Variants in RASGRP3 observed in about 807,000 individuals in gnomAD.
RASGRP3 encodes the protein ras guanyl-releasing protein 3.
A neutral mutation model predicts 82.7 loss-of-function variants in RASGRP3; 54 were observed. That is an observed-to-expected ratio of 0.65 (90% CI 0.52 to 0.82). RASGRP3 has a LOEUF of 0.82. RASGRP3 is among the 40% of genes least tolerant of loss of function. The pLI, the probability that RASGRP3 is intolerant of heterozygous loss-of-function variation, is 0.00. For synonymous variants in RASGRP3, 309 were observed against 300.5 expected (o/e 1.03, Z -0.29); for missense variants, 861 against 828.9 (o/e 1.04, Z -0.48).
chr2:33,548,360 CAAA>C (rs775598057), intron 13 of RASGRP3, among the ~76,000 whole-genome samples: 57 of 78,716 alleles, frequency 7.2e-4, no homozygotes, highest in South Asian at 2.7e-3. Flanking sequence ...GACTCCGTCT[CAAA>C]AAAAAAAAAA....
intron 1 of RASGRP3, among the ~76,000 whole-genome samples, chr2:33,445,314 G>T (rs772807977): frequency 2.0e-5 from 3 of 152,224 alleles, no homozygotes; most frequent in African/African-American, 2.4e-5. Flanking sequence ...GCAATGAGTT[G>T]CAGCCAACTG....
chr2:33,462,691 T>C (rs1666447558), intron 2 of RASGRP3, among the ~76,000 whole-genome samples: 2 of 152,206 alleles, frequency 1.3e-5, no homozygotes, highest in African/African-American at 4.8e-5. Context: ...GTAGAGTTTC[T>C]AACTGCACTT....
upstream of RASGRP3, among the ~76,000 whole-genome samples, chr2:33,471,765 T>C (rs1466708500): frequency 6.6e-6 from 1 of 152,204 alleles, no homozygotes; most frequent in Admixed American, 6.5e-5. Context: ...TTTTGACTTC[T>C]TCCTGGGTCA....
At chr2:33,437,066 C>T (rs1664963980) in intron 1 of RASGRP3, among the ~76,000 whole-genome samples, 2 of 151,876 alleles carry the variant, frequency 1.3e-5, no homozygotes, top group South Asian at 2.1e-4. Flanking sequence ...TAAAATTAAG[C>T]AAAGATAACA....
At chr2:33,515,304 T>A in intron 3 of RASGRP3, 98 bp downstream of exon 3, 1 of 1,320,938 alleles carries the variant, frequency 7.6e-7, no homozygotes, top group South Asian at 1.2e-5. Context: ...GTTCAGTCTC[T>A]GTACCTTGGT....
At chr2:33,559,775 A>G (rs1337875236) in intron 17 of RASGRP3, 1 of 397,498 alleles carries the variant, frequency 2.5e-6, no homozygotes, top group Non-Finnish European at 5.1e-6. Context: ...CATAAACAGA[A>G]TATTGGGTTA....
intron 1 of RASGRP3, among the ~76,000 whole-genome samples, chr2:33,508,537 G>A (rs1670622098): frequency 1.3e-5 from 2 of 152,128 alleles, no homozygotes; most frequent in Admixed American, 1.3e-4. Flanking sequence ...ATCCATGTGG[G>A]TAAATTTCTC....
rs370214673 is a variant in RASGRP3, at chr2:33,523,999, C to G, written c.637C>G (p.Pro213Ala). The G allele has an allele frequency of 2.1e-5, 34 of 1,613,760 alleles. No individual in the cohort carries two copies. Among genetic ancestry groups the G allele is most frequent in the Non-Finnish European group, 2.6e-5 (31 of 1,179,842 alleles). The change falls in exon 8 of 18, where the codon CCA becomes GCA. Residue 213 changes from proline (P) to alanine (A), a missense_variant. Physicochemically the swap from Pro to Ala is conservative, Grantham distance 27. Transcript: ENST00000403687. ...KWVQLMVLSK[P>A]TPQQRAEVIT... ...GGTCCAGTTGATGGTTCTTAGCAAA[C>G]CAACCCCCCAGCAAAGGGCAGAAGT... is the stretch of plus-strand genomic sequence containing the variant.
At chr2:33,446,366 C>T (rs1186791802) in intron 1 of RASGRP3, among the ~76,000 whole-genome samples, 1 of 152,070 alleles carries the variant, frequency 6.6e-6, no homozygotes, top group Non-Finnish European at 1.5e-5. Flanking sequence ...ACCATGTTAG[C>T]CAGGATGGTC....
intron 1 of RASGRP3, among the ~76,000 whole-genome samples, chr2:33,508,323 G>C (rs1365202651): frequency 6.6e-6 from 1 of 152,166 alleles, no homozygotes; most frequent in Non-Finnish European, 1.5e-5. Context: ...TCTGAGTTAA[G>C]ACCTGGGCAT....
intron 2 of RASGRP3, among the ~76,000 whole-genome samples, chr2:33,461,603 T>C (rs1304133013): frequency 6.6e-6 from 1 of 152,242 alleles, no homozygotes; most frequent in Non-Finnish European, 1.5e-5. Flanking sequence ...AATGCGTTTC[T>C]GAAAGTGCTT....
At chr2:33,559,129 G>A (rs1676362175) in intron 17 of RASGRP3, 99 bp downstream of exon 17, 1 of 1,009,792 alleles carries the variant, frequency 9.9e-7, no homozygotes, top group Non-Finnish European at 1.4e-6. Context: ...TGGTAGTTCT[G>A]AAAGCAGAAT....
Position 33,464,114 on chromosome 2 carries a change from ATT to A in RASGRP3, c.-261+16172_-261+16173del, listed in dbSNP as rs200401247. ...TTCAAACTTAATAATAATAATAATT[ATT>A]ATTATTATTATTATTATTATTAGAT... On this transcript the variant is annotated intron_variant, in intron 2 of 18. Coordinates refer to the RASGRP3 transcript ENST00000402538. Among the ~76,000 whole-genome samples the A allele has an allele frequency of 5.5e-3, 790 of 144,544 alleles. 6 individuals are homozygous for A. Among genetic ancestry groups the A allele is most frequent in the African/African-American group, 0.013 (509 of 38,960 alleles). The allele number at this position is 144,544 out of a possible 152,430, so 94.8% of individuals were successfully genotyped here.
chr2:33,506,578 A>G (rs774360932), intron 1 of RASGRP3, among the ~76,000 whole-genome samples: 2 of 152,212 alleles, frequency 1.3e-5, no homozygotes, highest in African/African-American at 2.4e-5. Flanking sequence ...ATCCAGGACA[A>G]TGTTGATTAT....
intron 3 of RASGRP3, 65 bp from the exon 4 acceptor site, chr2:33,516,477 T>G: frequency 4.5e-6 from 5 of 1,099,726 alleles, no homozygotes; most frequent in Non-Finnish European, 5.4e-6. Flanking sequence ...GCGTCTCTAC[T>G]GATGTTAGAA....
Position 33,563,203 on chromosome 2 carries a change from CTTGTTTTG to C in RASGRP3, c.*469_*476del, listed in dbSNP as rs1482836308. On this transcript the variant is annotated 3_prime_UTR_variant, in exon 18 of 18. Transcript: ENST00000403687. ...GGGGTTTTTTTCATTTTTTGTTTTT[CTTGTTTTG>C]TTTTGTTTTGTTTTGTTCTTCTTGG... 1.3e-5 allele frequency: 2 copies of C among 151,476 alleles called. No homozygotes were observed. The highest frequency in any genetic ancestry group is 2.5e-5 in the African/African-American group (1 of 40,638). 9.4% of individuals were successfully genotyped at this position (151,476 alleles called of 1,614,324 possible).
At chr2:33,541,728 A>C (rs1402377636) in intron 12 of RASGRP3, among the ~76,000 whole-genome samples, 1 of 147,116 alleles carries the variant, frequency 6.8e-6, no homozygotes, top group Non-Finnish European at 1.5e-5. Flanking sequence ...ATATGCTGCA[A>C]ATAACTTGCT....
rs556668007 is a variant in RASGRP3 at position 33,563,576 on chromosome 2, T to C, written c.*839T>C. The stretch of plus-strand genomic sequence containing the variant: ...GTAGAAATAGCAATTAAGAAATTAA[T>C]TCAAGTTTTGACGGTTAACATTTAG... On this transcript the variant is annotated 3_prime_UTR_variant, in exon 18 of 18. Coordinates refer to ENST00000403687, the MANE Select transcript of RASGRP3 (RefSeq NM_001139488.2). The C allele has an allele frequency of 2.0e-5, 3 of 147,776 alleles. No homozygotes were observed. In the Admixed American group the frequency reaches 2.1e-4, roughly 10 times the overall value. 9.2% of individuals were successfully genotyped at this position (147,776 alleles called of 1,614,324 possible). A position where few individuals can be genotyped will look rare whatever the true frequency, so the allele number is the denominator to read the frequency against.
chr2:33,557,702 T>A (rs1676153911), intron 15 of RASGRP3, among the ~76,000 whole-genome samples: 1 of 142,656 alleles, frequency 7.0e-6, no homozygotes, highest in Non-Finnish European at 1.5e-5. Flanking sequence ...AGAGCGAGAC[T>A]CCATCTCGAA....
Sources: allele counts gnomAD v4.1 joint callset (sites outside exome capture counted in the v4.1 genomes callset), GRCh38; gene constraint gnomAD v4.1.1; transcripts MANE v1.5; gene names NCBI Gene and HGNC (gene_info 2026-07-23, HGNC 2026-07-21).